The following SATB1 variants were observed in gnomAD, a reference collection of about 807,000 sequenced individuals.
The protein encoded by SATB1 is SATB homeobox 1.
SATB1 carries 11 observed loss-of-function variants against 86.9 expected under a neutral mutation model. That is an observed-to-expected ratio of 0.13 (90% CI 0.08 to 0.21). The LOEUF is 0.21. Among genes scored for constraint, SATB1 ranks in the 10% least tolerant of loss-of-function variants. The probability of loss-of-function intolerance (pLI) is 1.00; values close to 1 mark genes in which losing one functional copy is unlikely to be tolerated. For synonymous variants in SATB1, 357 were observed against 357.2 expected (o/e 1.00, Z 0.01); for missense variants, 551 against 937.6 (o/e 0.59, Z 5.39).
rs1447126414 is a variant in SATB1, at chr3:18,347,263, G to A, written c.*1907C>T. The A allele has an allele frequency of 6.6e-6, 1 of 152,004 alleles. No individual in the cohort carries two copies. The highest frequency in any genetic ancestry group is 1.9e-4 in the East Asian group (1 of 5,190). The allele number at this position is 152,004 out of a possible 1,614,324, so 9.4% of individuals were successfully genotyped here. On this transcript the variant is annotated 3_prime_UTR_variant, in exon 11 of 11. Coordinates refer to ENST00000338745, the MANE Select transcript of SATB1 (RefSeq NM_002971.6). ...ACTAGCATCTAGGAAACAAAGTGAGGGAGCAAATAAAAGAAAAATCACCCC... is the reference window on the plus strand; with the variant it reads ...ACTAGCATCTAGGAAACAAAGTGAGAGAGCAAATAAAAGAAAAATCACCCC...
In SATB1 at chr3:18,352,986, A is replaced by G. The variant is rs1694448854; in HGVS notation, c.1576-791T>C. The G allele has an allele frequency of 6.6e-6, 1 of 152,214 alleles. No individual in the cohort carries two copies. The highest frequency in any genetic ancestry group is 6.5e-5 in the Admixed American group (1 of 15,278). The allele number at this position is 152,214 out of a possible 1,614,324, so 9.4% of individuals were successfully genotyped here. A position where few individuals can be genotyped will look rare whatever the true frequency, so the allele number is the denominator to read the frequency against. ...ATCAAGAACTGAATGATCATGAAGA[A>G]TATATTTTCCAGTCATCTCGAGTCT... On this transcript the variant is annotated intron_variant, in intron 9 of 10. Coordinates refer to ENST00000338745, the MANE Select transcript of SATB1 (RefSeq NM_002971.6). The surrounding 1 kb of genome is among the most constrained non-coding windows in gnomAD (Gnocchi z 4.1).
rs553499877 is a variant in SATB1, at chr3:18,437,878, C to T, written c.-108+687G>A. 7.2e-5 allele frequency among the ~76,000 whole-genome samples: 11 copies of T among 152,164 alleles called. No homozygotes were observed. In the East Asian group the frequency reaches 2.1e-3, roughly 29 times the overall value. ...AAACTGTATGCATCTTAATTTAGTACTTCATTCATTGATAAAATATTTTCT... is the reference window on the plus strand; with the variant it reads ...AAACTGTATGCATCTTAATTTAGTATTTCATTCATTGATAAAATATTTTCT... On this transcript the variant is annotated intron_variant, in intron 1 of 3. Coordinates refer to the SATB1 transcript ENST00000414509.
At chr3:18,425,986 G>T (rs1309178354), upstream of SATB1, among the ~76,000 whole-genome samples, 2 of 152,182 alleles carry the variant, frequency 1.3e-5, no homozygotes, top group African/African-American at 4.8e-5. Flanking sequence ...GAGGTGGGGG[G>T]ACAGGGAGAC....
chr3:18,420,667 A>G, intron 2 of SATB1, 90 bp downstream of exon 2: 2 of 1,001,866 alleles, frequency 2.0e-6, no homozygotes, highest in South Asian at 2.7e-5. Flanking sequence ...AGTATACAAA[A>G]CATGTTCTGC....
chr3:18,367,588 A>C (rs181398268), intron 9 of SATB1, among the ~76,000 whole-genome samples: 1 of 152,284 alleles, frequency 6.6e-6, no homozygotes, highest in African/African-American at 2.4e-5. Context: ...AGGGTCCATA[A>C]ATAAATAATT....
intron 10 of SATB1, chr3:18,351,723 C>A: frequency 1.9e-6 from 1 of 526,754 alleles, no homozygotes; most frequent in Non-Finnish European, 3.4e-6. Flanking sequence ...AACCCAATAC[C>A]AACAAAGACA....
intron 1 of SATB1, among the ~76,000 whole-genome samples, chr3:18,437,224 A>C (rs977818522): frequency 6.6e-6 from 1 of 152,188 alleles, no homozygotes; most frequent in Non-Finnish European, 1.5e-5. Flanking sequence ...AAGTCATCAA[A>C]AAACAAGAAA....
At chr3:18,362,301 C>T (rs1337302238) in intron 9 of SATB1, among the ~76,000 whole-genome samples, 1 of 152,094 alleles carries the variant, frequency 6.6e-6, no homozygotes. Context: ...GCAAACTCCT[C>T]ACTTTCCTTC....
Position 18,415,120 on chromosome 3 carries a change from G to A in SATB1, c.630C>T (p.Pro210=). The A allele has an allele frequency of 6.2e-7, 1 of 1,612,744 alleles. No homozygotes were observed. The highest frequency in any genetic ancestry group is 8.5e-7 in the Non-Finnish European group (1 of 1,179,100). Residue 210 remains proline (P), a synonymous_variant, in exon 5 of 11, where the codon CCC becomes CCT. Coordinates refer to ENST00000338745, the MANE Select transcript of SATB1 (RefSeq NM_002971.6). ...MNQSSLAKEC[P]LSQSMISSIV... ...ATTCTATGCTAAGTACCTGTGAAAGGGGGCACTCCTTGGCCAATGAACTCT... is the reference window on the plus strand; with the variant it reads ...ATTCTATGCTAAGTACCTGTGAAAGAGGGCACTCCTTGGCCAATGAACTCT...
intron 8 of SATB1, among the ~76,000 whole-genome samples, chr3:18,383,781 T>G (rs1156306268): frequency 6.6e-6 from 1 of 152,176 alleles, no homozygotes; most frequent in Non-Finnish European, 1.5e-5. Context: ...TATAACGTGT[T>G]TTTCCAAATC....
intron 9 of SATB1, among the ~76,000 whole-genome samples, chr3:18,366,734 A>G (rs760650391): frequency 7.9e-5 from 12 of 152,152 alleles, no homozygotes; most frequent in African/African-American, 1.9e-4. Context: ...TGAAAAGTGT[A>G]TATCAATCAT....
intron 9 of SATB1, among the ~76,000 whole-genome samples, chr3:18,376,416 A>G (rs1695757940): frequency 6.6e-6 from 1 of 152,116 alleles, no homozygotes; most frequent in Admixed American, 6.6e-5. Flanking sequence ...ATTTAGGGAA[A>G]CAGGCTTTTG....
intron 9 of SATB1, among the ~76,000 whole-genome samples, chr3:18,357,510 A>C (rs1458585452): frequency 6.6e-6 from 1 of 150,602 alleles, no homozygotes; most frequent in Non-Finnish European, 1.5e-5. Flanking sequence ...GACAGTTTTT[A>C]ATCTGCCCAC....
intron 1 of SATB1, chr3:18,445,229 G>C: frequency 1.0e-6 from 1 of 981,682 alleles, no homozygotes; most frequent in Non-Finnish European, 1.2e-6. Context: ...CTGGCGGTGG[G>C]AGCCTCGGCG....
At chr3:18,379,724 T>C (rs576228825) in intron 8 of SATB1, among the ~76,000 whole-genome samples, 1 of 152,332 alleles carries the variant, frequency 6.6e-6, no homozygotes, top group Non-Finnish European at 1.5e-5. Flanking sequence ...ACCTCTTGCT[T>C]ATCTTGAGAA....
Position 18,424,121 on chromosome 3 carries a change from T to TA in SATB1, c.-520dup, listed in dbSNP as rs879533601. The TA allele has an allele frequency of 8.0e-3, 1,146 of 143,484 alleles. 10 individuals are homozygous for TA. Among genetic ancestry groups the TA allele is most frequent in the Middle Eastern group, 0.036 (10 of 274 alleles). 8.9% of individuals were successfully genotyped at this position (143,484 alleles called of 1,614,324 possible). A position where few individuals can be genotyped will look rare whatever the true frequency, so the allele number is the denominator to read the frequency against. ...ACGACGTGGTGACTGAGGATTCTCT[T>TA]AAAAAAAAAAAAATCACTGCGGACA... is the stretch of plus-strand genomic sequence containing the variant. On this transcript the variant is annotated 5_prime_UTR_variant, in exon 1 of 11. Coordinates refer to ENST00000338745, the MANE Select transcript of SATB1 (RefSeq NM_002971.6).
At chr3:18,401,615 G>C (rs1262079037) in intron 5 of SATB1, among the ~76,000 whole-genome samples, 3 of 152,014 alleles carry the variant, frequency 2.0e-5, no homozygotes. Flanking sequence ...AAACTCAGTC[G>C]GTTGAAATAC....
At chr3:18,417,579 T>G in intron 2 of SATB1, 1 of 647,578 alleles carries the variant, frequency 1.5e-6, no homozygotes. Flanking sequence ...TTCTTCCTTT[T>G]TTAGATATTA....
intron 9 of SATB1, among the ~76,000 whole-genome samples, chr3:18,373,020 T>C (rs191967986): frequency 1.3e-5 from 2 of 152,304 alleles, no homozygotes; most frequent in Admixed American, 6.5e-5. Context: ...TGTCTTCTTG[T>C]TTTCCTCACA....
Sources: allele counts gnomAD v4.1 joint callset (sites outside exome capture counted in the v4.1 genomes callset), GRCh38; gene constraint gnomAD v4.1.1; non-coding constraint Gnocchi (gnomAD v3.1); transcripts MANE v1.5; gene names NCBI Gene and HGNC (gene_info 2026-07-23, HGNC 2026-07-21).